EDRF1: variants seen among roughly 807,000 people sequenced by gnomAD.
The protein encoded by EDRF1 is erythroid differentiation regulatory factor 1, also known as erythroid differentiation-related factor 1.
Under a neutral mutation model 148.7 loss-of-function variants are expected in EDRF1, and 69 were observed. That is an observed-to-expected ratio of 0.46 (90% CI 0.38 to 0.57). The LOEUF (loss-of-function observed/expected upper bound fraction) is 0.57, where lower values mean the gene tolerates loss of function less well. EDRF1 is among the 20% of genes least tolerant of loss of function. EDRF1 has a pLI of 0.00. For missense variants in EDRF1, 1,118 were observed against 1,478.7 expected (o/e 0.76, Z 4.00); for synonymous variants, 515 against 532.8 (o/e 0.97, Z 0.46).
At chr10:125,736,442 A>G (rs567211291) in intron 13 of EDRF1, among the ~76,000 whole-genome samples, 1 of 152,220 alleles carries the variant, frequency 6.6e-6, no homozygotes, top group African/African-American at 2.4e-5. Flanking sequence ...TGACTCTACC[A>G]TCAGTGTATC....
intron 9 of EDRF1, among the ~76,000 whole-genome samples, chr10:125,732,893 A>C (rs1031057759): frequency 6.6e-6 from 1 of 152,106 alleles, no homozygotes; most frequent in African/African-American, 2.4e-5. Flanking sequence ...CCCCTGCTCC[A>C]TCCCTGTGAA....
chr10:125,747,478 G>A (rs925376392), intron 19 of EDRF1, 58 bp from the exon 20 acceptor site: 9 of 1,560,218 alleles, frequency 5.8e-6, no homozygotes, highest in African/African-American at 1.4e-5. Flanking sequence ...TTATTTTAAT[G>A]CAGTATTGGT....
Position 125,749,519 on chromosome 10 carries a change from T to G in EDRF1, c.3231T>G (p.Leu1077=). 1 of 1,614,202 alleles carries G rather than the reference T, an allele frequency of 6.2e-7. No homozygotes were observed. Among genetic ancestry groups the G allele is most frequent in the Non-Finnish European group, 8.5e-7 (1 of 1,180,038 alleles). Residue 1077 remains leucine (L), a synonymous_variant, in exon 22 of 25, where the codon CTT becomes CTG. Coordinates refer to ENST00000356792, the MANE Select transcript of EDRF1 (RefSeq NM_001202438.2). ...TGAAAGATGCTCCCTGCGAACTGCT[T>G]AGAGTACAGCTAGAGAGAGTAGCAT... ...QLLKDAPCEL[L]RVQLERVAFA...
At chr10:125,733,807 T>C in intron 11 of EDRF1, 64 bp downstream of exon 11, 1 of 1,452,674 alleles carries the variant, frequency 6.9e-7, no homozygotes, top group Non-Finnish European at 9.6e-7. Context: ...AAGCATACAG[T>C]CACAGTTTCC....
chr10:125,726,066 TAAATC>T (rs1341673526), intron 6 of EDRF1, among the ~76,000 whole-genome samples: 1 of 152,172 alleles, frequency 6.6e-6, no homozygotes, highest in Non-Finnish European at 1.5e-5. Context: ...ATTTTTTTAT[TAAATC>T]GAAATATAAT....
chr10:125,749,680 A>G (rs1849542868), intron 22 of EDRF1, 115 bp downstream of exon 22: 1 of 1,263,028 alleles, frequency 7.9e-7, no homozygotes. Context: ...AATTTGCCCC[A>G]TAGTTAATGA....
At chr10:125,749,314 G>C (rs149436475) in intron 21 of EDRF1, 98 bp from the exon 22 acceptor site, 2 of 1,369,798 alleles carry the variant, frequency 1.5e-6, no homozygotes, top group East Asian at 4.6e-5. Context: ...ATAAGACCTA[G>C]TAAGACCCAC....
chr10:125,737,394 CCACT>C (rs1232746552), intron 13 of EDRF1, among the ~76,000 whole-genome samples: 4 of 152,268 alleles, frequency 2.6e-5, no homozygotes, highest in African/African-American at 9.6e-5. Flanking sequence ...TCCCAGCTCC[CCACT>C]CACTCACCGT....
chr10:125,743,834 A>G (rs138772340), intron 18 of EDRF1, among the ~76,000 whole-genome samples: 41 of 152,236 alleles, frequency 2.7e-4, no homozygotes, highest in Admixed American at 1.4e-3. Flanking sequence ...AAAGGGTGCA[A>G]GTGTACGTTT....
chr10:125,762,828 G>A (rs143487743), intron 24 of EDRF1, among the ~76,000 whole-genome samples: 6 of 152,290 alleles, frequency 3.9e-5, no homozygotes, highest in South Asian at 4.1e-4. Flanking sequence ...CGCTTAGGCC[G>A]AGCTTGAGGA....
chr10:125,730,235 A>G, intron 8 of EDRF1, 53 bp from the exon 9 acceptor site: 1 of 1,354,916 alleles, frequency 7.4e-7, no homozygotes, highest in Non-Finnish European at 1.1e-6. Flanking sequence ...TCAGATGATT[A>G]ATTAAGGAAC....
chr10:125,724,245 C>T (rs910547921), intron 4 of EDRF1, among the ~76,000 whole-genome samples: 3 of 152,082 alleles, frequency 2.0e-5, no homozygotes, highest in Non-Finnish European at 2.9e-5. Flanking sequence ...TTTAAGAATC[C>T]TTTAACGTCT....
In EDRF1 at chr10:125,750,990, T is replaced by C. The variant is rs1295560712; in HGVS notation, c.3277+1425T>C. ...TTTTGTTTGAGACAGAGTTTTACCC[T>C]GTCACATGGGCTGGAGTGCAGTGGC... On this transcript the variant is annotated intron_variant, in intron 22 of 24. Transcript: ENST00000356792. Among the ~76,000 whole-genome samples, 6 of 152,324 alleles carry C rather than the reference T, an allele frequency of 3.9e-5. No individual in the cohort carries two copies. In the East Asian group the frequency reaches 1.2e-3, roughly 29 times the overall value.
chr10:125,743,262 AGAGT>A lies in EDRF1; in HGVS notation c.2580_2583del (p.Ser860ArgfsTer3). On this transcript the variant is annotated frameshift_variant, in exon 18 of 25. Transcript: ENST00000356792. LOFTEE classifies it high-confidence loss of function. ...TACATGAATCAGGCTGCTGCATTAC[AGAGT>A]GAGAGACTAGGTGAGTATCTCTTTA... The A allele has an allele frequency of 6.2e-7, 1 of 1,613,192 alleles. No individual in the cohort carries two copies. The highest frequency in any genetic ancestry group is 8.5e-7 in the Non-Finnish European group (1 of 1,179,314).
chr10:125,729,041 T>G lies in EDRF1; in HGVS notation c.831T>G (p.His277Gln). 1.3e-6 allele frequency: 2 copies of G among 1,583,552 alleles called. No homozygotes were observed. The highest frequency in any genetic ancestry group is 2.3e-5 in the South Asian group (2 of 88,136). ...TTGAACCCTCATACATAGTGGGGCA[T>G]GTGGCCTCAGCCCCCAAAGAACAAA... ...EPLEPSYIVG[H>Q]VASAPKEQNL... The change falls in exon 7 of 25, where the codon CAT becomes CAG. Residue 277 changes from histidine (H) to glutamine (Q), a missense_variant. Transcript: ENST00000356792.
At chr10:125,723,790 T>A (rs553992713) in intron 3 of EDRF1, 21 bp from the exon 4 acceptor site, 145 of 1,608,010 alleles carry the variant, frequency 9.0e-5, no homozygotes, top group Non-Finnish European at 1.2e-4. Flanking sequence ...TCTAAACTAT[T>A]TTTTCTCTTA....
At chr10:125,754,123 C>T (rs981103431) in intron 24 of EDRF1, among the ~76,000 whole-genome samples, 4 of 150,276 alleles carry the variant, frequency 2.7e-5, no homozygotes, top group African/African-American at 9.8e-5. Context: ...GGCTGAGGCA[C>T]GAGACTTGCT....
At chr10:125,721,445 C>G (rs561585608) in intron 2 of EDRF1, 33 bp downstream of exon 2, 2 of 1,583,888 alleles carry the variant, frequency 1.3e-6, no homozygotes, top group Non-Finnish European at 1.7e-6. Context: ...TTTACCTGCC[C>G]CTCCACCCTC....
chr10:125,733,523 A>G lies in EDRF1; in HGVS notation c.1248A>G (p.Lys416=). The G allele has an allele frequency of 6.2e-7, 1 of 1,601,032 alleles. No individual in the cohort carries two copies. Among genetic ancestry groups the G allele is most frequent in the East Asian group, 2.2e-5 (1 of 44,778 alleles). ...ILSFLKSNCT[K]EGHTYWLFKA... The stretch of plus-strand genomic sequence containing the variant: ...CATTTTTGAAATCTAATTGTACCAA[A>G]GAAGGACATACCTATTGGCTCTTTA... The change falls in exon 10 of 25, where the codon AAA becomes AAG. Residue 416 remains lysine, a synonymous_variant. Transcript: ENST00000356792.
Sources: gnomAD v4.1 joint callset for allele counts (sites outside exome capture counted in the v4.1 genomes callset) on GRCh38, gnomAD v4.1.1 for gene constraint, MANE v1.5 for transcripts, NCBI Gene and HGNC (gene_info 2026-07-23, HGNC 2026-07-21) for gene names.